The following ATIC variants were observed in gnomAD, a reference collection of about 807,000 sequenced individuals.
The protein encoded by ATIC is bifunctional purine biosynthesis protein ATIC.
Under a neutral mutation model 72.5 loss-of-function variants are expected in ATIC, and 64 were observed. The ratio of observed to expected loss-of-function variants is 0.88; its 90% CI spans 0.72 to 1.09. The LOEUF is 1.09. Among genes scored for constraint, ATIC ranks in the 50% least tolerant of loss-of-function variants. ATIC has a pLI of 0.00. For missense variants in ATIC, 787 were observed against 732.4 expected, an observed-to-expected ratio of 1.07 and a Z score of -0.86; for synonymous variants, 281 against 267.1, an observed-to-expected ratio of 1.05 and a Z score of -0.51.
At chr2:215,329,943 G>A (rs2052871701) in intron 7 of ATIC, among the ~76,000 whole-genome samples, 1 of 152,094 alleles carries the variant, frequency 6.6e-6, no homozygotes, top group Non-Finnish European at 1.5e-5. Flanking sequence ...TGTATTTTTA[G>A]TAAAGACAGA....
chr2:215,332,208 C>T (rs1435247443), intron 7 of ATIC, among the ~76,000 whole-genome samples, 174 bp from the exon 8 acceptor site: 2 of 150,816 alleles, frequency 1.3e-5, no homozygotes, highest in African/African-American at 4.9e-5. Flanking sequence ...TAAAGATGGG[C>T]TCAGGCTCAG....
the ATIC span, among the ~76,000 whole-genome samples, chr2:215,356,218 T>G: frequency 4.6e-5 from 7 of 152,230 alleles, no homozygotes; most frequent in East Asian, 7.7e-4. Flanking sequence ...AGATGCTGAT[T>G]ATTCTTTTCA....
chr2:215,346,649 T>C (rs563727615), intron 13 of ATIC, 110 bp from the exon 14 acceptor site: 51 of 1,273,130 alleles, frequency 4.0e-5, no homozygotes, highest in African/African-American at 4.0e-4. Context: ...TGGCCTGATA[T>C]GTTCTTCCAC....
chr2:215,321,008 A>G (rs1390631596), intron 4 of ATIC, among the ~76,000 whole-genome samples: 3 of 152,196 alleles, frequency 2.0e-5, no homozygotes, highest in Admixed American at 6.5e-5. Context: ...CCCACCTCCA[A>G]CATTGGGGAT....
chr2:215,320,004 G>C (rs1037366782), intron 4 of ATIC, among the ~76,000 whole-genome samples: 1 of 152,144 alleles, frequency 6.6e-6, no homozygotes, highest in African/African-American at 2.4e-5. Context: ...TTGGATTTCA[G>C]ATTTCTTCAG....
At chr2:215,315,487 T>C (rs1289480291) in intron 2 of ATIC, among the ~76,000 whole-genome samples, 1 of 152,046 alleles carries the variant, frequency 6.6e-6, no homozygotes, top group Non-Finnish European at 1.5e-5. Context: ...CTCCTGAGTA[T>C]CTGGGACTAC....
At chr2:215,312,768 GAA>G (rs2052668242) in intron 2 of ATIC, 144 bp downstream of exon 2, 3 of 1,324,770 alleles carry the variant, frequency 2.3e-6, no homozygotes, top group Non-Finnish European at 2.1e-6. Context: ...ACTTTATGGG[GAA>G]AAAAAGTGAG....
chr2:215,344,823 T>C lies in ATIC; in HGVS notation c.1272T>C (p.Ala424=). ...ALRDLIVATI[A]VKYTQSNSVC... ...GAGACCTCATCGTAGCCACCATTGCTGTCAAGTACACTCAGTCTAACTCTG... is the reference window on the plus strand; with the variant it reads ...GAGACCTCATCGTAGCCACCATTGCCGTCAAGTACACTCAGTCTAACTCTG... The change falls in exon 13 of 16, where the codon GCT becomes GCC. Residue 424 remains alanine, a synonymous_variant. Coordinates refer to ENST00000236959, the MANE Select transcript of ATIC (RefSeq NM_004044.7). 11 of 1,614,084 alleles carry C rather than the reference T, an allele frequency of 6.8e-6. No individual in the cohort carries two copies. Among genetic ancestry groups the C allele is most frequent in the Non-Finnish European group, 9.3e-6 (11 of 1,180,004 alleles).
chr2:215,364,866 C>T, the ATIC span: 2 of 1,530,094 alleles, frequency 1.3e-6, no homozygotes, highest in Non-Finnish European at 8.9e-7. Context: ...GAGCCTGGCA[C>T]ATCCAGTCTT....
chr2:215,332,246 T>C, intron 7 of ATIC, 136 bp from the exon 8 acceptor site: 1 of 1,285,112 alleles, frequency 7.8e-7, no homozygotes. Context: ...ATCAAGATTT[T>C]ATGTTTGTGT....
At chr2:215,322,291 A>G (rs2052776347) in intron 4 of ATIC, among the ~76,000 whole-genome samples, 1 of 150,866 alleles carries the variant, frequency 6.6e-6, no homozygotes. Context: ...ACCATTGCCT[A>G]ATCCTCAGTG....
At chr2:215,335,937 G>A (rs2052948964) in intron 10 of ATIC, 98 bp from the exon 11 acceptor site, 3 of 931,606 alleles carry the variant, frequency 3.2e-6, no homozygotes, top group Admixed American at 2.1e-5. Context: ...ACCAGAATAT[G>A]CTGCCACATT....
In ATIC at chr2:215,326,914, T is replaced by A. The variant is rs775629229; in HGVS notation, c.624T>A (p.Tyr208Ter). The A allele has an allele frequency of 2.5e-6, 4 of 1,614,168 alleles. No individual in the cohort carries two copies. The African/African-American group carries it at 5.3e-5, about 22-fold the overall frequency. ...SKGVSQMPLR[Y>*]GMNPHQTPAQ... ...GCGTATCTCAGATGCCCTTGAGATA[T>A]GGAATGAACCCACATCAGACCCCTG... is the stretch of plus-strand genomic sequence containing the variant. Residue 208 changes from tyrosine to a stop codon, truncating the protein, a stop_gained, in exon 7 of 16, where the codon TAT becomes TAA. Transcript: ENST00000236959. LOFTEE classifies it high-confidence loss of function.
intron 9 of ATIC, among the ~76,000 whole-genome samples, chr2:215,334,387 G>A (rs1304909162): frequency 1.3e-5 from 2 of 151,752 alleles, no homozygotes; most frequent in African/African-American, 2.4e-5. Context: ...GTAGAGACAT[G>A]GTTTCACCAT....
At chr2:215,361,669 T>C in the ATIC span, 9 of 1,433,418 alleles carry the variant, frequency 6.3e-6, no homozygotes, top group Non-Finnish European at 7.9e-6. Flanking sequence ...TGGCAAATAC[T>C]GTAAAGTGTA....
chr2:215,312,292 C>T, intron 1 of ATIC, 131 bp downstream of exon 1: 3 of 1,443,704 alleles, frequency 2.1e-6, no homozygotes, highest in Non-Finnish European at 2.7e-6. Context: ...CGTCCCCGCT[C>T]CCCGGCCGGG....
chr2:215,345,873 A>T (rs149892325), intron 13 of ATIC, among the ~76,000 whole-genome samples: 82 of 152,316 alleles, frequency 5.4e-4, no homozygotes, highest in African/African-American at 1.9e-3. Context: ...GCTCAGAAAG[A>T]GATGGACTGT....
Position 215,332,366 on chromosome 2 carries a change from A to T in ATIC, c.689-16A>T. ...TGATCCTGCTTAGTAATGTGCATGT[A>T]TATTTTTACATTTAGTTCTAAATGG... On this transcript the variant is annotated splice_polypyrimidine_tract_variant and intron_variant, in intron 7 of 15. Transcript: ENST00000236959. 1 of 1,614,006 alleles carries T rather than the reference A, an allele frequency of 6.2e-7. No individual in the cohort carries two copies. Among genetic ancestry groups the T allele is most frequent in the Non-Finnish European group, 8.5e-7 (1 of 1,179,974 alleles).
chr2:215,362,381 A>G, the ATIC span: 2 of 404,832 alleles, frequency 4.9e-6, no homozygotes, highest in African/African-American at 4.1e-5. Flanking sequence ...AACTTCCTCA[A>G]CAAGTTCTCT....
Sources: gnomAD v4.1 joint callset for allele counts (sites outside exome capture counted in the v4.1 genomes callset) on GRCh38, gnomAD v4.1.1 for gene constraint, MANE v1.5 for transcripts, NCBI Gene and HGNC (gene_info 2026-07-23, HGNC 2026-07-21) for gene names.